PIK3R4: variants seen among roughly 807,000 people sequenced by gnomAD.
The protein encoded by PIK3R4 is phosphoinositide-3-kinase regulatory subunit 4.
A neutral mutation model predicts 136.5 loss-of-function variants in PIK3R4; 46 were observed. That is an observed-to-expected ratio of 0.34 (90% CI 0.27 to 0.43). PIK3R4 has a LOEUF of 0.43. PIK3R4 is among the 20% of genes least tolerant of loss of function. PIK3R4 has a pLI of 1.00. For synonymous variants in PIK3R4, 557 were observed against 566.7 expected (o/e 0.98, Z 0.24); for missense variants, 1,331 against 1,649.5 (o/e 0.81, Z 3.35).
chr3:130,708,475 C>G lies in PIK3R4; in HGVS notation c.2349G>C (p.Glu783Asp), dbSNP rs773330168. Residue 783 changes from glutamate (E) to aspartate (D), a missense_variant, in exon 10 of 20, where the codon GAG becomes GAC. By Grantham distance (45) the Glu-to-Asp change is conservative (BLOSUM62 2). Coordinates refer to ENST00000356763, the MANE Select transcript of PIK3R4 (RefSeq NM_014602.3). ...KLLSQGMTEE[E>D]EDKLLALKDF... ...CTTTCAGTGCCAGAAGTTTGTCTTC[C>G]TCTTCCTCTGTCATTCCCTAAAACC... The G allele has an allele frequency of 6.2e-7, 1 of 1,612,632 alleles. No homozygotes were observed. The highest frequency in any genetic ancestry group is 8.5e-7 in the Non-Finnish European group (1 of 1,178,876).
chr3:130,741,227 C>T (rs138238380), intron 2 of PIK3R4, among the ~76,000 whole-genome samples: 109 of 152,148 alleles, frequency 7.2e-4, no homozygotes, highest in Middle Eastern at 3.4e-3. Flanking sequence ...ATATGACTGG[C>T]GTGCTTATAA....
intron 3 of PIK3R4, among the ~76,000 whole-genome samples, chr3:130,735,291 A>G (rs567760895): frequency 6.6e-6 from 1 of 152,330 alleles, no homozygotes; most frequent in Non-Finnish European, 1.5e-5. Context: ...CAGTTACCCT[A>G]TAACTGACTT....
intron 3 of PIK3R4, among the ~76,000 whole-genome samples, 173 bp downstream of exon 3, chr3:130,735,695 GA>G (rs2066782223): frequency 1.3e-5 from 2 of 152,030 alleles, no homozygotes; most frequent in South Asian, 2.1e-4. Context: ...GCCTGAAGGG[GA>G]AAAAAACAGT....
chr3:130,743,786 T>G (rs1008431107), intron 2 of PIK3R4, among the ~76,000 whole-genome samples: 9 of 152,256 alleles, frequency 5.9e-5, no homozygotes, highest in Non-Finnish European at 8.8e-5. Flanking sequence ...TTTTCCTGTC[T>G]TCTGTGTAGC....
intron 2 of PIK3R4, among the ~76,000 whole-genome samples, chr3:130,742,596 G>A (rs186542883): frequency 6.6e-6 from 1 of 152,260 alleles, no homozygotes; most frequent in Admixed American, 6.5e-5. Context: ...ATTATCTTGG[G>A]ACACAGATTA....
intron 7 of PIK3R4, among the ~76,000 whole-genome samples, chr3:130,718,888 T>C (rs1335349874): frequency 6.6e-6 from 1 of 152,192 alleles, no homozygotes. Flanking sequence ...CCCAACAGCA[T>C]ATAGCTAACT....
intron 7 of PIK3R4, among the ~76,000 whole-genome samples, chr3:130,721,189 T>A (rs1028285991): frequency 6.6e-6 from 1 of 151,590 alleles, no homozygotes; most frequent in Non-Finnish European, 1.5e-5. Flanking sequence ...CAAAAAAAAT[T>A]AGCCGGGCAT....
intron 12 of PIK3R4, 145 bp downstream of exon 12, chr3:130,705,416 A>T: frequency 1.6e-6 from 1 of 620,266 alleles, no homozygotes; most frequent in South Asian, 2.0e-5. Context: ...AAGATTTCTT[A>T]CTTACTGCTT....
At position 130,727,344 on chromosome 3, in the gene PIK3R4, C is replaced by CA. The variant is rs978184246; in HGVS notation, c.1807+1118_1807+1119insT. On this transcript the variant is annotated intron_variant, in intron 6 of 19. Coordinates refer to ENST00000356763, the MANE Select transcript of PIK3R4 (RefSeq NM_014602.3). ...CACGCCATTCTCCTGCCTCAGCCCCCCTCCCGCCGCCTCCGAGTACAGGCA... is the reference window on the plus strand; with the variant it reads ...CACGCCATTCTCCTGCCTCAGCCCCCACTCCCGCCGCCTCCGAGTACAGGCA... 7.9e-5 allele frequency among the ~76,000 whole-genome samples: 12 copies of CA among 151,844 alleles called. No homozygotes were observed. The South Asian group carries it at 8.3e-4, about 11-fold the overall frequency.
In PIK3R4 at chr3:130,707,013, T is replaced by G. The variant is rs2066609700; in HGVS notation, c.2656A>C (p.Thr886Pro). The G allele has an allele frequency of 6.2e-7, 1 of 1,612,900 alleles. No homozygotes were observed. Among genetic ancestry groups the G allele is most frequent in the South Asian group, 1.1e-5 (1 of 90,832 alleles). Residue 886 changes from threonine (T) to proline (P), a missense_variant, in exon 11 of 20, where the codon ACT becomes CCT. Thr to Pro is a conservative substitution (Grantham distance 38, BLOSUM62 -1). Transcript: ENST00000356763. ...GACTCGGAACGAGGAGGTTTCCCAGTCTGAATCACCTCCTGATCACTCCCT... is the reference window on the plus strand; with the variant it reads ...GACTCGGAACGAGGAGGTTTCCCAGGCTGAATCACCTCCTGATCACTCCCT... ...PKGSDQEVIQ[T>P]GKPPRSESSA...
intron 2 of PIK3R4, among the ~76,000 whole-genome samples, chr3:130,739,959 T>C (rs1467860230): frequency 6.6e-6 from 1 of 152,140 alleles, no homozygotes; most frequent in Admixed American, 6.5e-5. Flanking sequence ...ACATAGAGAA[T>C]GCATGTAAAA....
chr3:130,679,143 A>G lies in PIK3R4; in HGVS notation c.*172T>C. ...TTGCAAAGAGATGCATAAGTAAACT[A>G]GTCAAGTACATCTTAACCATTTTGG... is the stretch of plus-strand genomic sequence containing the variant. On this transcript the variant is annotated 3_prime_UTR_variant, in exon 20 of 20. Transcript: ENST00000356763. 1 of 384,322 alleles carries G rather than the reference A, an allele frequency of 2.6e-6. No individual in the cohort carries two copies. The highest frequency in any genetic ancestry group is 4.6e-6 in the Non-Finnish European group (1 of 217,348). The allele number at this position is 384,322 out of a possible 1,614,324, so 23.8% of individuals were successfully genotyped here.
chr3:130,712,807 T>C (rs984852099), intron 9 of PIK3R4, among the ~76,000 whole-genome samples: 1 of 152,142 alleles, frequency 6.6e-6, no homozygotes, highest in African/African-American at 2.4e-5. Context: ...AAAAGGCTTG[T>C]AAGGGGCTGG....
chr3:130,744,461 T>C (rs2066841901), intron 2 of PIK3R4, 25 bp downstream of exon 2: 1 of 1,575,136 alleles, frequency 6.3e-7, no homozygotes, highest in Non-Finnish European at 8.6e-7. Flanking sequence ...CATGCTCCCT[T>C]AGCAAATGTG....
intron 13 of PIK3R4, among the ~76,000 whole-genome samples, chr3:130,694,959 G>A (rs1345423521): frequency 6.6e-6 from 1 of 151,988 alleles, no homozygotes; most frequent in Non-Finnish European, 1.5e-5. Context: ...ATTACTAACT[G>A]GTTTGTTGAG....
At chr3:130,741,835 T>A (rs2066825586) in intron 2 of PIK3R4, among the ~76,000 whole-genome samples, 2 of 152,188 alleles carry the variant, frequency 1.3e-5, no homozygotes, top group South Asian at 2.1e-4. Flanking sequence ...CAAATGCATG[T>A]CAAAATGAAT....
intron 2 of PIK3R4, among the ~76,000 whole-genome samples, chr3:130,736,656 CAAG>C (rs2066787440): frequency 6.6e-6 from 1 of 151,776 alleles, no homozygotes; most frequent in East Asian, 1.9e-4. Flanking sequence ...AGTGATAAAA[CAAG>C]AAACTTTTTT....
intron 9 of PIK3R4, among the ~76,000 whole-genome samples, chr3:130,712,780 AAG>A (rs1477399993): frequency 1.1e-4 from 17 of 152,136 alleles, no homozygotes; most frequent in Non-Finnish European, 8.8e-5. Flanking sequence ...AGGGACCAAA[AAG>A]AAGTGAAGGT....
At chr3:130,721,966 T>C (rs533445829) in intron 7 of PIK3R4, among the ~76,000 whole-genome samples, 40 of 151,680 alleles carry the variant, frequency 2.6e-4, no homozygotes, top group African/African-American at 9.2e-4. Flanking sequence ...CTTCACAAAG[T>C]ATATATATAT....
Sources: allele counts gnomAD v4.1 joint callset (sites outside exome capture counted in the v4.1 genomes callset), GRCh38; gene constraint gnomAD v4.1.1; transcripts MANE v1.5; gene names NCBI Gene and HGNC (gene_info 2026-07-23, HGNC 2026-07-21).